The following MAN1A1 variants were observed in gnomAD, a reference collection of about 807,000 sequenced individuals.
MAN1A1 encodes mannosyl-oligosaccharide 1,2-alpha-mannosidase IA.
In MAN1A1, 29 loss-of-function variants were observed where a neutral mutation model predicts 70.8. The ratio of observed to expected loss-of-function variants is 0.41; its 90% CI spans 0.31 to 0.56. The LOEUF (loss-of-function observed/expected upper bound fraction) is 0.56. MAN1A1 is among the 20% of genes least tolerant of loss of function. The pLI is 0.29. For synonymous variants in MAN1A1, 349 were observed against 330.1 expected (o/e 1.06, Z -0.62); for missense variants, 747 against 841.3 (o/e 0.89, Z 1.39).
rs140439760 is a variant in MAN1A1, at chr6:119,342,679, G to A, written c.603+5784C>T. Reference sequence around the variant, plus strand: ...GGTAAGTGCATCCCAAAAGAGAATCGCCAGAACCTACTTGGGTGGAGAGAA... The same window carrying A: ...GGTAAGTGCATCCCAAAAGAGAATCACCAGAACCTACTTGGGTGGAGAGAA... On this transcript the variant is annotated intron_variant, in intron 2 of 12. Coordinates refer to ENST00000368468, the MANE Select transcript of MAN1A1 (RefSeq NM_005907.4). Among the ~76,000 whole-genome samples the A allele has an allele frequency of 3.9e-5, 6 of 152,236 alleles. No homozygotes were observed. The East Asian group carries it at 7.7e-4, about 20-fold the overall frequency.
intron 6 of MAN1A1, among the ~76,000 whole-genome samples, chr6:119,233,534 G>T (rs1374781510): frequency 6.6e-6 from 1 of 152,170 alleles, no homozygotes; most frequent in Admixed American, 6.5e-5. Context: ...GGGCTTAAAG[G>T]TGAATGACAT....
intron 2 of MAN1A1, among the ~76,000 whole-genome samples, chr6:119,338,988 T>G (rs1582816674): frequency 6.6e-6 from 1 of 152,198 alleles, no homozygotes; most frequent in East Asian, 1.9e-4. Flanking sequence ...TCCTTAGGCC[T>G]CCAAGCTCTG....
intron 11 of MAN1A1, among the ~76,000 whole-genome samples, chr6:119,186,097 A>G (rs1405460614): frequency 3.3e-5 from 5 of 151,980 alleles, no homozygotes; most frequent in Non-Finnish European, 7.4e-5. Flanking sequence ...TCCCTCTGGT[A>G]CCCCCAGAGC....
chr6:119,254,801 T>C (rs548653740), intron 5 of MAN1A1, among the ~76,000 whole-genome samples: 26 of 152,304 alleles, frequency 1.7e-4, no homozygotes, highest in South Asian at 4.1e-4. Context: ...ACAATGTAAC[T>C]TGCTGAAAGA....
chr6:119,340,274 T>A (rs771963682), intron 2 of MAN1A1, among the ~76,000 whole-genome samples: 6 of 152,150 alleles, frequency 3.9e-5, no homozygotes, highest in Non-Finnish European at 8.8e-5. Flanking sequence ...CCCCTTTTAG[T>A]ACATAGCTCC....
intron 11 of MAN1A1, among the ~76,000 whole-genome samples, chr6:119,187,042 C>T (rs1012509): frequency 0.33 from 50,730 of 151,986 alleles, 8,760 homozygotes; most frequent in East Asian, 0.54. Flanking sequence ...AAGCAACCCC[C>T]TGAAGAACAC....
Position 119,193,858 on chromosome 6 carries a change from G to A in MAN1A1, c.1245C>T (p.Phe415=), listed in dbSNP as rs1773501932. 1 of 1,613,188 alleles carries A rather than the reference G, an allele frequency of 6.2e-7. No individual in the cohort carries two copies. The highest frequency in any genetic ancestry group is 1.3e-5 in the African/African-American group (1 of 74,890). ...HVSVGGLGDS[F]YEYLLKAWLM... ...ACCAGGCCTTCAGCAAATACTCATA[G>A]AAGCTGTCTCCAAGTCCTCCAACTG... Residue 415 remains phenylalanine (F), a synonymous_variant, in exon 9 of 13, where the codon TTC becomes TTT. Transcript: ENST00000368468.
At chr6:119,346,271 C>T (rs1773725859) in intron 2 of MAN1A1, among the ~76,000 whole-genome samples, 1 of 152,198 alleles carries the variant, frequency 6.6e-6, no homozygotes, top group Non-Finnish European at 1.5e-5. Flanking sequence ...CTCTCTAAAG[C>T]CAAATATTTA....
intron 5 of MAN1A1, among the ~76,000 whole-genome samples, chr6:119,260,526 C>T (rs1003014443): frequency 4.6e-5 from 7 of 152,144 alleles, no homozygotes; most frequent in African/African-American, 1.7e-4. Flanking sequence ...AATTCATTCA[C>T]TCACTCACTA....
chr6:119,200,667 G>A (rs984382179), intron 8 of MAN1A1, among the ~76,000 whole-genome samples: 4 of 152,110 alleles, frequency 2.6e-5, no homozygotes, highest in South Asian at 2.1e-4. Flanking sequence ...GCTCAAAATC[G>A]TCTGAAGAGT....
At chr6:119,333,121 T>A (rs1192419767) in intron 2 of MAN1A1, among the ~76,000 whole-genome samples, 1 of 152,206 alleles carries the variant, frequency 6.6e-6, no homozygotes. Context: ...TGGAAAACAC[T>A]AGCAACACGG....
intron 6 of MAN1A1, among the ~76,000 whole-genome samples, chr6:119,241,113 C>T (rs1237187411): frequency 2.0e-5 from 3 of 151,962 alleles, no homozygotes; most frequent in Non-Finnish European, 2.9e-5. Flanking sequence ...CCCCTCTATG[C>T]TAAAAATGCC....
intron 2 of MAN1A1, among the ~76,000 whole-genome samples, chr6:119,329,979 C>T (rs906334251): frequency 1.3e-5 from 2 of 152,144 alleles, no homozygotes; most frequent in Non-Finnish European, 2.9e-5. Context: ...TACTGAATAT[C>T]TAAAAATGCT....
chr6:119,248,040 A>G (rs111905475), intron 6 of MAN1A1, among the ~76,000 whole-genome samples: 4 of 152,092 alleles, frequency 2.6e-5, no homozygotes, highest in African/African-American at 9.6e-5. Flanking sequence ...GGCCTGAATG[A>G]CTCTGTTGAG....
chr6:119,212,506 C>T (rs954507978), intron 6 of MAN1A1, among the ~76,000 whole-genome samples: 1 of 152,128 alleles, frequency 6.6e-6, no homozygotes, highest in Admixed American at 6.5e-5. Context: ...ACTCTATGCC[C>T]GTTACCGTGC....
chr6:119,196,523 A>G (rs1773573774), intron 8 of MAN1A1, among the ~76,000 whole-genome samples: 1 of 152,152 alleles, frequency 6.6e-6, no homozygotes, highest in Admixed American at 6.6e-5. Context: ...TGGAAATAAC[A>G]TAATATGGTA....
intron 6 of MAN1A1, among the ~76,000 whole-genome samples, chr6:119,223,847 A>ATT (rs529357087): frequency 2.0e-5 from 3 of 152,132 alleles, no homozygotes; most frequent in Non-Finnish European, 2.9e-5. Flanking sequence ...AAATCTGGGC[A>ATT]TTATATATAT....
At chr6:119,222,302 T>A (rs1012242923) in intron 6 of MAN1A1, among the ~76,000 whole-genome samples, 3 of 151,622 alleles carry the variant, frequency 2.0e-5, no homozygotes, top group African/African-American at 7.3e-5. Flanking sequence ...TATTATAGTA[T>A]CTTTCATCTT....
At chr6:119,269,280 C>T (rs1775847131) in intron 5 of MAN1A1, 1 of 287,214 alleles carries the variant, frequency 3.5e-6, no homozygotes, top group East Asian at 1.4e-4. Context: ...GTGGCTGTCA[C>T]TGCCTGGTAC....
Sources: gnomAD v4.1 joint callset for allele counts (sites outside exome capture counted in the v4.1 genomes callset) on GRCh38, gnomAD v4.1.1 for gene constraint, MANE v1.5 for transcripts, NCBI Gene and HGNC (gene_info 2026-07-23, HGNC 2026-07-21) for gene names.